SLC25A22: variants seen among roughly 807,000 people sequenced by gnomAD.
SLC25A22 encodes the protein solute carrier family 25 member 22.
A neutral mutation model predicts 33.7 loss-of-function variants in SLC25A22; 23 were observed. The ratio of observed to expected loss-of-function variants is 0.68; its 90% CI spans 0.49 to 0.97. SLC25A22 has a LOEUF of 0.97. SLC25A22 is among the 50% of genes least tolerant of loss of function. SLC25A22 has a pLI of 0.00. For missense variants in SLC25A22, 390 were observed against 451.1 expected (o/e 0.86, Z 1.23); for synonymous variants, 245 against 203.8 (o/e 1.20, Z -1.72).
chr11:791,794 G>A lies in SLC25A22; in HGVS notation c.*121C>T, dbSNP rs1864531703. 7.3e-7 allele frequency: 1 copy of A among 1,368,380 alleles called. No individual in the cohort carries two copies. The highest frequency in any genetic ancestry group is 2.5e-5 in the East Asian group (1 of 39,766). The allele number at this position is 1,368,380 out of a possible 1,614,324, so 84.8% of individuals were successfully genotyped here. ...ATGTGGACCCTGCACCCTGCCCCCT[G>A]CTGCCCCTGCCGACGGGAGGGCTGG... On this transcript the variant is annotated 3_prime_UTR_variant, in exon 10 of 10. Transcript: ENST00000628067.
At chr11:797,562 A>G (rs1192246802) in intron 1 of SLC25A22, 1 of 398,282 alleles carries the variant, frequency 2.5e-6, no homozygotes, top group Non-Finnish European at 4.4e-6. Context: ...CTGCTTCCGA[A>G]TCTGCAGGGG....
At position 793,550 on chromosome 11, in the gene SLC25A22, C is replaced by T. The variant is rs199841087; in HGVS notation, c.272G>A (p.Arg91Gln). 1.2e-6 allele frequency: 2 copies of T among 1,613,404 alleles called. No individual in the cohort carries two copies. Among genetic ancestry groups the T allele is most frequent in the East Asian group, 2.2e-5 (1 of 44,840 alleles). The change falls in exon 5 of 10, where the codon CGA becomes CAA. Residue 91 changes from arginine (R) to glutamine (Q), a missense_variant. Coordinates refer to ENST00000628067, the MANE Select transcript of SLC25A22 (RefSeq NM_001191061.2). ...TCACCCGTCCTTAGAGAGCTGATGTCGGAAGAAGTCGTTGGCTGCCAGCTT... is the reference window on the plus strand; with the variant it reads ...TCACCCGTCCTTAGAGAGCTGATGTTGGAAGAAGTCGTTGGCTGCCAGCTT... ...AIKLAANDFF[R>Q]HQLSKDGQKL... is the part of the protein sequence containing the mutation.
intron 1 of SLC25A22, chr11:797,489 T>C: frequency 2.5e-6 from 1 of 397,488 alleles, no homozygotes; most frequent in Non-Finnish European, 4.4e-6. Context: ...TCAGGTGAAC[T>C]GAGGCCACAG....
In SLC25A22 at chr11:791,475, A is replaced by C. The variant is rs1864512944; in HGVS notation, c.*440T>G. On this transcript the variant is annotated 3_prime_UTR_variant, in exon 10 of 10. Transcript: ENST00000628067. ...CTGGGGAAGGACGGAAGGGCTGGAG[A>C]GCCGCTTGGGTCCAGCAGATTCAAT... The C allele has an allele frequency of 9.4e-6, 2 of 212,964 alleles. No homozygotes were observed. The highest frequency in any genetic ancestry group is 1.9e-5 in the Non-Finnish European group (2 of 104,762). 13.2% of individuals were successfully genotyped at this position (212,964 alleles called of 1,614,324 possible).
chr11:791,843 C>G lies in SLC25A22; in HGVS notation c.*72G>C. The G allele has an allele frequency of 1.3e-6, 2 of 1,515,558 alleles. No individual in the cohort carries two copies. The highest frequency in any genetic ancestry group is 1.8e-6 in the Non-Finnish European group (2 of 1,135,988). The allele number at this position is 1,515,558 out of a possible 1,614,324, so 93.9% of individuals were successfully genotyped here. On this transcript the variant is annotated 3_prime_UTR_variant, in exon 10 of 10. Coordinates refer to ENST00000628067, the MANE Select transcript of SLC25A22 (RefSeq NM_001191061.2). ...GGGGAGGGGTCTTCCCTTGCTCCGT[C>G]CTGGGCTAGCTGCCTGGCTCCAGCC...
chr11:792,702 G>T lies in SLC25A22; in HGVS notation c.438C>A (p.Ala146=), dbSNP rs1350355803. 3.9e-6 allele frequency: 6 copies of T among 1,551,064 alleles called. No individual in the cohort carries two copies. The highest frequency in any genetic ancestry group is 2.4e-5 in the East Asian group (1 of 41,828). Residue 146 remains alanine (A), a synonymous_variant, in exon 7 of 10, where the codon GCC becomes GCA. Transcript: ENST00000628067. ...CCCCCTGGGCCGAGAGCTGGCCCTG[G>T]GCAGCCAGGATCTTCCTCTGGGCGG... is the stretch of plus-strand genomic sequence containing the variant. The part of the protein sequence containing the change: ...RIAAQRKILA[A]QGQLSAQGGA...
At chr11:792,499 G>A (rs1864580723) in intron 7 of SLC25A22, 41 bp from the exon 8 acceptor site, 2 of 1,612,672 alleles carry the variant, frequency 1.2e-6, no homozygotes, top group South Asian at 1.1e-5. Flanking sequence ...GAGGTGGTGG[G>A]GTGGGCAGGC....
At position 791,463 on chromosome 11, in the gene SLC25A22, G is replaced by A. The variant is rs1370229968; in HGVS notation, c.*452C>T. On this transcript the variant is annotated 3_prime_UTR_variant, in exon 10 of 10. Transcript: ENST00000628067. ...CGACAAGAGCGGCTGGGGAAGGACG[G>A]AAGGGCTGGAGAGCCGCTTGGGTCC... is the stretch of plus-strand genomic sequence containing the variant. 4 of 206,942 alleles carry A rather than the reference G, an allele frequency of 1.9e-5. No individual in the cohort carries two copies. Among genetic ancestry groups the A allele is most frequent in the Non-Finnish European group, 4.0e-5 (4 of 101,200 alleles). The allele number at this position is 206,942 out of a possible 1,614,324, so 12.8% of individuals were successfully genotyped here.
At chr11:798,176 G>A (rs899503232) in intron 1 of SLC25A22, 41 bp downstream of exon 1, 7 of 397,466 alleles carry the variant, frequency 1.8e-5, no homozygotes, top group Non-Finnish European at 2.7e-5. Context: ...GGCCGCGTTC[G>A]GATGGGCGCA....
At position 792,707 on chromosome 11, in the gene SLC25A22, C is replaced by T. The variant is rs1391338951; in HGVS notation, c.433G>A (p.Ala145Thr). The change falls in exon 7 of 10, where the codon GCT becomes ACT. Residue 145 changes from alanine to threonine, a missense_variant. Physicochemically the swap from Ala to Thr is moderately conservative, Grantham distance 58. Transcript: ENST00000628067. ...GRIAAQRKIL[A>T]AQGQLSAQGG... ...TGGGCCGAGAGCTGGCCCTGGGCAGCCAGGATCTTCCTCTGGGCGGCTGGG... is the reference window on the plus strand; with the variant it reads ...TGGGCCGAGAGCTGGCCCTGGGCAGTCAGGATCTTCCTCTGGGCGGCTGGG... 6.5e-7 allele frequency: 1 copy of T among 1,549,784 alleles called. No homozygotes were observed. Among genetic ancestry groups the T allele is most frequent in the Non-Finnish European group, 8.7e-7 (1 of 1,151,400 alleles).
intron 5 of SLC25A22, 112 bp downstream of exon 5, chr11:793,417 G>GC: frequency 9.8e-7 from 1 of 1,021,032 alleles, no homozygotes; most frequent in Non-Finnish European, 1.5e-6. Flanking sequence ...GAAGCCCCAA[G>GC]CAAGGGGCTG....
At chr11:793,135 A>G in intron 5 of SLC25A22, 147 bp from the exon 6 acceptor site, 2 of 778,208 alleles carry the variant, frequency 2.6e-6, no homozygotes, top group South Asian at 1.5e-5. Context: ...AGCCTCCGCC[A>G]CTGCAGCAGC....
intron 1 of SLC25A22, chr11:795,384 C>A: frequency 2.5e-6 from 1 of 401,074 alleles, no homozygotes; most frequent in South Asian, 2.1e-5. Context: ...CTCCCCACCG[C>A]CAGCGTCTTC....
chr11:794,713 A>T, intron 3 of SLC25A22, 63 bp downstream of exon 3: 1 of 1,566,066 alleles, frequency 6.4e-7, no homozygotes, highest in Non-Finnish European at 8.6e-7. Context: ...ACAGGAGCAG[A>T]GCCCCCACCT....
chr11:792,344 C>T lies in SLC25A22; in HGVS notation c.702G>A (p.Val234=), dbSNP rs750034215. Residue 234 remains valine (V), a synonymous_variant, in exon 8 of 10, where the codon GTG becomes GTA. Coordinates refer to ENST00000628067, the MANE Select transcript of SLC25A22 (RefSeq NM_001191061.2). ...PFYVSFLAGC[V]AGSAAAVAVN... is the part of the protein sequence containing the mutation. ...CGGCCACAGCGGCGGCACTCCCAGC[C>T]ACACAGCCGGCCAGGAAGGACACGT... 6.6e-5 allele frequency: 107 copies of T among 1,613,138 alleles called. No individual in the cohort carries two copies. The highest frequency in any genetic ancestry group is 8.6e-5 in the Non-Finnish European group (102 of 1,179,980).
At chr11:798,153 GC>G (rs1263512341) in intron 1 of SLC25A22, 63 bp downstream of exon 1, 6 of 396,046 alleles carry the variant, frequency 1.5e-5, no homozygotes, top group Non-Finnish European at 2.7e-5. Context: ...AGCACCTCTC[GC>G]CCCCGCAGCC....
Position 794,968 on chromosome 11 carries a change from G to A in SLC25A22, c.20+19C>T, listed in dbSNP as rs1286759114. 1.9e-6 allele frequency: 3 copies of A among 1,561,288 alleles called. No individual in the cohort carries two copies. Among genetic ancestry groups the A allele is most frequent in the African/African-American group, 2.7e-5 (2 of 73,840 alleles). On this transcript the variant is annotated intron_variant, in intron 2 of 9. Coordinates refer to ENST00000628067, the MANE Select transcript of SLC25A22 (RefSeq NM_001191061.2). ...GGTCAGGGTGGGGGTGAGGCACGCA[G>A]CCAGGACTGGAGTCTGACCTGATCT...
At chr11:794,752 C>T (rs1156302653) in intron 3 of SLC25A22, 24 bp downstream of exon 3, 4 of 1,591,794 alleles carry the variant, frequency 2.5e-6, no homozygotes, top group Admixed American at 3.5e-5. Flanking sequence ...GGGCCCACTC[C>T]CCGCGACCGC....
intron 1 of SLC25A22, chr11:797,757 C>A (rs1013504270): frequency 2.5e-6 from 1 of 398,668 alleles, no homozygotes. Context: ...CGCGATGCCT[C>A]GGCCAGAGGA....
Sources: gnomAD v4.1 joint callset for allele counts on GRCh38, gnomAD v4.1.1 for gene constraint, MANE v1.5 for transcripts, NCBI Gene and HGNC (gene_info 2026-07-23, HGNC 2026-07-21) for gene names.